Variants in CADPS observed in about 807,000 individuals in gnomAD.
CADPS encodes the protein calcium-dependent secretion activator 1.
CADPS carries 57 observed loss-of-function variants against 167.3 expected under a neutral mutation model. The observed-to-expected ratio is 0.34, with a 90% CI of 0.28 to 0.42. The LOEUF is 0.42. CADPS is among the 20% of genes least tolerant of loss of function. The pLI is 1.00. For synonymous variants in CADPS, 676 were observed against 635.3 expected, an observed-to-expected ratio of 1.06 and a Z score of -0.96; for missense variants, 1,414 against 1,738.1, an observed-to-expected ratio of 0.81 and a Z score of 3.32.
chr3:62,531,102 T>C (rs561237352), intron 13 of CADPS, among the ~76,000 whole-genome samples: 2 of 152,306 alleles, frequency 1.3e-5, no homozygotes, highest in South Asian at 2.1e-4. Context: ...ACAATGTGTA[T>C]CATAATTCAT....
intron 11 of CADPS, among the ~76,000 whole-genome samples, chr3:62,548,121 G>A (rs528379364): frequency 1.1e-4 from 16 of 151,962 alleles, no homozygotes; most frequent in Non-Finnish European, 2.2e-4. Flanking sequence ...TGATACAGGG[G>A]GTAACTTCTT....
intron 21 of CADPS, among the ~76,000 whole-genome samples, chr3:62,490,357 G>A (rs909826744): frequency 1.3e-5 from 2 of 152,126 alleles, no homozygotes; most frequent in Non-Finnish European, 2.9e-5. Flanking sequence ...TCCAGCAGTA[G>A]GCTTTACTGG....
chr3:62,599,727 A>C (rs187499897), intron 6 of CADPS, among the ~76,000 whole-genome samples: 1 of 8,388 alleles, frequency 1.2e-4, no homozygotes, highest in African/African-American at 3.8e-4. Context: ...TAATATATAT[A>C]GTATATATAA....
chr3:62,707,360 A>G (rs1022140696), intron 3 of CADPS, among the ~76,000 whole-genome samples: 4 of 152,110 alleles, frequency 2.6e-5, no homozygotes, highest in African/African-American at 4.8e-5. Context: ...TGTCTTCCAC[A>G]AAACCAGTCC....
At chr3:62,826,552 G>C (rs985979872) in intron 1 of CADPS, among the ~76,000 whole-genome samples, 5 of 152,116 alleles carry the variant, frequency 3.3e-5, no homozygotes, top group Non-Finnish European at 2.9e-5. Context: ...GGCAGAAAGT[G>C]GTCTGGGAAA....
chr3:62,512,857 C>T, intron 16 of CADPS, 89 bp from the exon 17 acceptor site: 1 of 1,108,622 alleles, frequency 9.0e-7, no homozygotes, highest in Non-Finnish European at 1.3e-6. Context: ...CCAAAATGCC[C>T]CCCACTTATG....
At chr3:62,539,864 A>C (rs548047980) in intron 11 of CADPS, among the ~76,000 whole-genome samples, 2 of 152,164 alleles carry the variant, frequency 1.3e-5, no homozygotes, top group Non-Finnish European at 2.9e-5. Context: ...GGCAGGTCAC[A>C]AACACTAGAT....
Position 62,621,884 on chromosome 3 carries a change from G to A in CADPS, c.1325+23838C>T, listed in dbSNP as rs148066493. Among the ~76,000 whole-genome samples the A allele has an allele frequency of 4.0e-4, 55 of 136,744 alleles. 1 individual carries two copies. In the East Asian group the frequency reaches 8.8e-3, roughly 22 times the overall value. The allele number at this position is 136,744 out of a possible 152,430, so 89.7% of individuals were successfully genotyped here. ...TGTTAGTTTGCTGAAGATAAAGGCA[G>A]TCCTACTTACTTCTTTTTTTTTTTT... On this transcript the variant is annotated intron_variant, in intron 6 of 29. Transcript: ENST00000383710.
At chr3:62,500,045 A>G (rs2065479168) in intron 17 of CADPS, 1 of 152,242 alleles carries the variant, frequency 6.6e-6, no homozygotes, top group Non-Finnish European at 1.5e-5. Context: ...TTTAGAGCTG[A>G]GTTCATGAGT....
intron 6 of CADPS, among the ~76,000 whole-genome samples, chr3:62,635,646 GTT>G (rs67151220): frequency 0.034 from 4,912 of 144,362 alleles, 274 homozygotes; most frequent in African/African-American, 0.11. Context: ...GGCTTTCTCT[GTT>G]TTTTTTTTTT....
intron 6 of CADPS, among the ~76,000 whole-genome samples, chr3:62,638,177 G>A (rs1194582971): frequency 1.3e-5 from 2 of 151,562 alleles, no homozygotes; most frequent in Non-Finnish European, 2.9e-5. Flanking sequence ...CTCACACAGC[G>A]GAAATAGGAA....
intron 16 of CADPS, chr3:62,513,551 A>G: frequency 1.2e-6 from 1 of 844,590 alleles, no homozygotes; most frequent in Non-Finnish European, 1.9e-6. Flanking sequence ...AAGCAAGGAG[A>G]GTGAGTTGGT....
Position 62,464,130 on chromosome 3 carries a change from G to A in CADPS, c.3636+1237C>T, listed in dbSNP as rs992480864. 4.6e-5 allele frequency among the ~76,000 whole-genome samples: 7 copies of A among 152,052 alleles called. No individual in the cohort carries two copies. The South Asian group carries it at 6.2e-4, about 14-fold the overall frequency. ...GCCTATGCTAAGCTCTTTTGCCTAC[G>A]TTATTATCTTCATGATAGCTCATTA... On this transcript the variant is annotated intron_variant, in intron 26 of 29. Coordinates refer to ENST00000383710, the MANE Select transcript of CADPS (RefSeq NM_003716.4).
intron 1 of CADPS, among the ~76,000 whole-genome samples, chr3:62,814,765 T>C (rs183036926): frequency 6.6e-6 from 1 of 152,316 alleles, no homozygotes; most frequent in East Asian, 1.9e-4. Context: ...GTATGCTTTA[T>C]GCTCCGCCAT....
intron 8 of CADPS, among the ~76,000 whole-genome samples, chr3:62,584,945 C>T (rs116597825): frequency 0.013 from 1,919 of 152,186 alleles, 39 homozygotes; most frequent in African/African-American, 0.043. Flanking sequence ...TTTGAATTGT[C>T]CTAGAAACCG....
At chr3:62,715,122 A>C (rs1257441270) in intron 3 of CADPS, among the ~76,000 whole-genome samples, 1 of 152,210 alleles carries the variant, frequency 6.6e-6, no homozygotes, top group African/African-American at 2.4e-5. Flanking sequence ...GATGTTTGAA[A>C]TCTGCTTCAA....
chr3:62,829,579 T>C (rs1423085768), intron 1 of CADPS, among the ~76,000 whole-genome samples: 2 of 152,088 alleles, frequency 1.3e-5, no homozygotes, highest in Non-Finnish European at 2.9e-5. Context: ...GTCTACCTAT[T>C]CATGGTTCCT....
intron 9 of CADPS, among the ~76,000 whole-genome samples, chr3:62,559,084 C>T (rs929685887): frequency 2.0e-5 from 3 of 152,166 alleles, no homozygotes; most frequent in African/African-American, 7.2e-5. Flanking sequence ...TTGAGTTTTA[C>T]ATACCATGTG....
At chr3:62,870,534 G>A (rs1349789715) in intron 1 of CADPS, among the ~76,000 whole-genome samples, 1 of 152,028 alleles carries the variant, frequency 6.6e-6, no homozygotes, top group African/African-American at 2.4e-5. Flanking sequence ...TCATTTCATG[G>A]GCAGATACAA....
Sources: gnomAD v4.1 joint callset for allele counts (sites outside exome capture counted in the v4.1 genomes callset) on GRCh38, gnomAD v4.1.1 for gene constraint, MANE v1.5 for transcripts, NCBI Gene and HGNC (gene_info 2026-07-23, HGNC 2026-07-21) for gene names.